Variants in STAT5B observed in about 807,000 individuals in gnomAD.
The protein encoded by STAT5B is signal transducer and activator of transcription 5B, also known as transcription factor STAT5B.
A neutral mutation model predicts 107.8 loss-of-function variants in STAT5B; 21 were observed. That is an observed-to-expected ratio of 0.19 (90% CI 0.14 to 0.28). The LOEUF (loss-of-function observed/expected upper bound fraction) is 0.28. Ranked by LOEUF, STAT5B falls within the 10% of genes least tolerant of loss-of-function variation. The pLI is 1.00. For missense variants in STAT5B, 565 were observed against 1,008.2 expected (o/e 0.56, Z 5.95); for synonymous variants, 325 against 401.7 (o/e 0.81, Z 2.28).
chr17:42,244,750 G>C (rs929441203), intron 1 of STAT5B, among the ~76,000 whole-genome samples: 2 of 151,862 alleles, frequency 1.3e-5, no homozygotes, highest in African/African-American at 4.8e-5. Flanking sequence ...ATATACCGTC[G>C]GGACAAACAG....
chr17:42,252,560 G>A (rs2080508914), intron 1 of STAT5B, among the ~76,000 whole-genome samples: 2 of 152,244 alleles, frequency 1.3e-5, no homozygotes, highest in Non-Finnish European at 2.9e-5. Flanking sequence ...TTACAAAAAG[G>A]ACCTAAATTG....
chr17:42,282,785 CT>C, the STAT5B span, among the ~76,000 whole-genome samples: 1 of 152,278 alleles, frequency 6.6e-6, no homozygotes, highest in East Asian at 1.9e-4. Flanking sequence ...ACTCCAAAGC[CT>C]TTGTGTTTTC....
chr17:42,257,718 C>T (rs994870898), intron 1 of STAT5B, among the ~76,000 whole-genome samples: 2 of 152,178 alleles, frequency 1.3e-5, no homozygotes, highest in Non-Finnish European at 2.9e-5. Flanking sequence ...TGGGACCACA[C>T]ACAAATAGCA....
At chr17:42,253,548 T>C (rs760486200) in intron 1 of STAT5B, among the ~76,000 whole-genome samples, 5 of 152,228 alleles carry the variant, frequency 3.3e-5, no homozygotes, top group Non-Finnish European at 5.9e-5. Context: ...TATCCATTCA[T>C]ATTTAAACAG....
At chr17:42,217,816 T>C (rs1459934403) in intron 9 of STAT5B, 12 of 436,862 alleles carry the variant, frequency 2.7e-5, no homozygotes, top group Non-Finnish European at 4.2e-5. Flanking sequence ...GGGATTCTCC[T>C]GCCTCAGGCT....
At chr17:42,222,148 G>A (rs981089580) in intron 5 of STAT5B, among the ~76,000 whole-genome samples, 2 of 143,962 alleles carry the variant, frequency 1.4e-5, no homozygotes, top group African/African-American at 5.2e-5. Flanking sequence ...GTGTGTGTGT[G>A]CTGTGTGTGT....
rs1283468905 is a variant in STAT5B, at chr17:42,200,019, G to A, written c.*1719C>T. On this transcript the variant is annotated 3_prime_UTR_variant, in exon 19 of 19. Coordinates refer to ENST00000293328, the MANE Select transcript of STAT5B (RefSeq NM_012448.4). ...AATTTTCATCAAATCTTGAGGGGTA[G>A]GGAGGGGCTGAGTGGGATGCGGGTA... 6.6e-6 allele frequency: 1 copy of A among 152,664 alleles called. No homozygotes were observed. The highest frequency in any genetic ancestry group is 1.5e-5 in the Non-Finnish European group (1 of 68,040). The allele number at this position is 152,664 out of a possible 1,614,324, so 9.5% of individuals were successfully genotyped here. A position where few individuals can be genotyped will look rare whatever the true frequency, so the allele number is the denominator to read the frequency against.
chr17:42,248,949 G>A lies in STAT5B; in HGVS notation c.-10-16812C>T, dbSNP rs1056363325. ...AGAATCTACACAATGTCAGTGTCTC[G>A]CTTGACTGAACGAAGGGCAGTAAGA... is the stretch of plus-strand genomic sequence containing the variant. On this transcript the variant is annotated intron_variant, in intron 1 of 18. Transcript: ENST00000293328. Among the ~76,000 whole-genome samples, 7 of 152,210 alleles carry A rather than the reference G, an allele frequency of 4.6e-5. 1 individual carries two copies. The South Asian group carries it at 1.0e-3, about 22-fold the overall frequency.
chr17:42,201,838 C>T lies in STAT5B; in HGVS notation c.2264G>A (p.Gly755Glu). Reference sequence around the variant, plus strand: ...CATTGTGTCCTCCAGATCGAAGTCCCCATCGGTGTCAAGGACTGAGTCAGG... The same window carrying T: ...CATTGTGTCCTCCAGATCGAAGTCCTCATCGGTGTCAAGGACTGAGTCAGG... ...QNPDSVLDTD[G>E]DFDLEDTMDV... Residue 755 changes from glycine (G) to glutamate (E), a missense_variant, in exon 19 of 19, where the codon GGG becomes GAG. By Grantham distance (98) the Gly-to-Glu change is moderately conservative. Transcript: ENST00000293328. 1.9e-6 allele frequency: 3 copies of T among 1,613,986 alleles called. No individual in the cohort carries two copies. Among genetic ancestry groups the T allele is most frequent in the Non-Finnish European group, 8.5e-7 (1 of 1,179,992 alleles).
At chr17:42,212,321 C>G in intron 12 of STAT5B, 131 bp from the exon 13 acceptor site, 1 of 1,452,614 alleles carries the variant, frequency 6.9e-7, no homozygotes. Context: ...AGGATAAATT[C>G]AGACTCTGCT....
Position 42,201,531 on chromosome 17 carries a change from C to A in STAT5B, c.*207G>T, listed in dbSNP as rs1402167816. ...ACCATAACGTGCAAACACGCACACA[C>A]ACACACACACACACACACACACAAA... On this transcript the variant is annotated 3_prime_UTR_variant, in exon 19 of 19. Coordinates refer to ENST00000293328, the MANE Select transcript of STAT5B (RefSeq NM_012448.4). 2 of 639,720 alleles carry A rather than the reference C, an allele frequency of 3.1e-6. No individual in the cohort carries two copies. Among genetic ancestry groups the A allele is most frequent in the Non-Finnish European group, 2.8e-6 (1 of 352,306 alleles). The allele number at this position is 639,720 out of a possible 1,614,324, so 39.6% of individuals were successfully genotyped here. A position where few individuals can be genotyped will look rare whatever the true frequency, so the allele number is the denominator to read the frequency against.
At chr17:42,262,864 A>G (rs538334812) in intron 1 of STAT5B, among the ~76,000 whole-genome samples, 124 of 126,290 alleles carry the variant, frequency 9.8e-4, no homozygotes, top group Non-Finnish European at 1.6e-3. Flanking sequence ...ACACACATAT[A>G]TGTGTGTGTA....
rs1472336970 is a variant in STAT5B, at chr17:42,217,418, G to A, written c.1216C>T (p.His406Tyr). ...ILNNCCVMEY[H>Y]QATGTLSAHF... ...GCACTAAGGGTGCCTGTGGCTTGGT[G>A]GTACTCCATGACGCAGCAGTTGTTC... Residue 406 changes from histidine (H) to tyrosine (Y), a missense_variant, in exon 10 of 19, where the codon CAC becomes TAC. His to Tyr is a moderately conservative substitution (Grantham distance 83, BLOSUM62 2). Transcript: ENST00000293328. 2 of 1,614,186 alleles carry A rather than the reference G, an allele frequency of 1.2e-6. No individual in the cohort carries two copies. Among genetic ancestry groups the A allele is most frequent in the Non-Finnish European group, 1.7e-6 (2 of 1,180,042 alleles).
rs1427840750 is a variant in STAT5B, at chr17:42,199,239, T to C, written c.*2499A>G. 1 of 151,708 alleles carries C rather than the reference T, an allele frequency of 6.6e-6. No individual in the cohort carries two copies. Among genetic ancestry groups the C allele is most frequent in the African/African-American group, 2.5e-5 (1 of 40,486 alleles). The allele number at this position is 151,708 out of a possible 1,614,324, so 9.4% of individuals were successfully genotyped here. On this transcript the variant is annotated 3_prime_UTR_variant, in exon 19 of 19. Transcript: ENST00000293328. ...ACAACTTTGTGACTGTAACTCTGCATAGGATATATTTCTTTTTTTTGAGGC... is the reference window on the plus strand; with the variant it reads ...ACAACTTTGTGACTGTAACTCTGCACAGGATATATTTCTTTTTTTTGAGGC...
intron 1 of STAT5B, among the ~76,000 whole-genome samples, chr17:42,262,724 T>C (rs2080609846): frequency 7.0e-6 from 1 of 142,754 alleles, no homozygotes; most frequent in African/African-American, 2.7e-5. Context: ...CAATATGAAA[T>C]GAATAACTTA....
chr17:42,260,477 C>T (rs1028288710), intron 1 of STAT5B, among the ~76,000 whole-genome samples: 19 of 151,670 alleles, frequency 1.3e-4, no homozygotes, highest in African/African-American at 4.1e-4. Flanking sequence ...AGCACGAACA[C>T]GACTCACTGC....
At chr17:42,248,978 T>C (rs1034820177) in intron 1 of STAT5B, among the ~76,000 whole-genome samples, 6 of 152,214 alleles carry the variant, frequency 3.9e-5, no homozygotes, top group African/African-American at 1.2e-4. Context: ...AGTAAGATCA[T>C]ATGGAGCTAC....
chr17:42,262,250 T>C (rs990910199), intron 1 of STAT5B, among the ~76,000 whole-genome samples: 8 of 152,076 alleles, frequency 5.3e-5, no homozygotes, highest in Admixed American at 4.6e-4. Context: ...ATCCTCCACC[T>C]CCCAGGCTCA....
intron 1 of STAT5B, among the ~76,000 whole-genome samples, chr17:42,273,317 T>C (rs2080736431): frequency 6.6e-6 from 1 of 152,198 alleles, no homozygotes; most frequent in African/African-American, 2.4e-5. Context: ...AGGACAGCGA[T>C]AGTGCAGAGC....
Sources: allele counts gnomAD v4.1 joint callset (sites outside exome capture counted in the v4.1 genomes callset), GRCh38; gene constraint gnomAD v4.1.1; transcripts MANE v1.5; gene names NCBI Gene and HGNC (gene_info 2026-07-23, HGNC 2026-07-21).